Variants in DMP1 observed in about 807,000 individuals in gnomAD.
DMP1 encodes dentin matrix protein 1.
In DMP1, 20 loss-of-function variants were observed where a neutral mutation model predicts 14.6. The observed-to-expected ratio is 1.37, with a 90% CI of 0.96 to 1.99. The LOEUF (loss-of-function observed/expected upper bound fraction) is 1.99, where lower values mean the gene tolerates loss of function less well. Ranked by LOEUF, DMP1 falls within the 30% of genes most tolerant of loss-of-function variation. The probability of loss-of-function intolerance (pLI) is 0.00; values close to 1 mark genes in which losing one functional copy is unlikely to be tolerated. For missense variants in DMP1, 567 were observed against 620.5 expected (o/e 0.91, Z 0.92); for synonymous variants, 197 against 215.3 (o/e 0.91, Z 0.75).
At chr4:87,655,940 G>A (rs1246996058) in intron 1 of DMP1, among the ~76,000 whole-genome samples, 2 of 152,144 alleles carry the variant, frequency 1.3e-5, no homozygotes, top group Non-Finnish European at 2.9e-5. Context: ...TTTCTTAGGA[G>A]TGAGGTTTTT....
rs550592486 is a variant in DMP1 at position 87,659,201 on chromosome 4, T to G, written c.103-19T>G. 1.9e-6 allele frequency: 3 copies of G among 1,613,798 alleles called. No individual in the cohort carries two copies. The highest frequency in any genetic ancestry group is 1.7e-4 in the Middle Eastern group (1 of 6,060). On this transcript the variant is annotated intron_variant, in intron 3 of 5. Transcript: ENST00000339673. ...TCTGTGAGGGAGTAATTTGTTTTCC[T>G]TCCTTTCCTTTTTTGCAGGGTCATT... is the stretch of plus-strand genomic sequence containing the variant.
chr4:87,656,657 G>A lies in DMP1; in HGVS notation c.54+111G>A, dbSNP rs748892144. On this transcript the variant is annotated intron_variant, in intron 2 of 5. Transcript: ENST00000339673. ...TGTATGTTCCAGTCCAGTAAAAATA[G>A]TAGTTTCTTAGCATGCTGTTTTCTT... The A allele has an allele frequency of 3.7e-6, 3 of 804,862 alleles. No individual in the cohort carries two copies. In the East Asian group the frequency reaches 7.3e-5, roughly 20 times the overall value. The allele number at this position is 804,862 out of a possible 1,614,324, so 49.9% of individuals were successfully genotyped here.
chr4:87,664,222 G>GA lies in DMP1; in HGVS notation c.*909dup, dbSNP rs1578157445. The GA allele has an allele frequency of 6.6e-6, 1 of 152,582 alleles. No individual in the cohort carries two copies. The highest frequency in any genetic ancestry group is 1.9e-4 in the East Asian group (1 of 5,184). The allele number at this position is 152,582 out of a possible 1,614,324, so 9.5% of individuals were successfully genotyped here. Reference sequence around the variant, plus strand: ...TAAAATCAGTTTGCGTGCAATGCTAGAAAAAAACTGTTCTCTGAGTCCTTT... The same window carrying GA: ...TAAAATCAGTTTGCGTGCAATGCTAGAAAAAAAACTGTTCTCTGAGTCCTTT... On this transcript the variant is annotated 3_prime_UTR_variant, in exon 6 of 6. Coordinates refer to ENST00000339673, the MANE Select transcript of DMP1 (RefSeq NM_004407.4).
In DMP1 at chr4:87,662,357, G is replaced by A. The variant is rs1299785096; in HGVS notation, c.579G>A (p.Trp193Ter). The A allele has an allele frequency of 6.2e-7, 1 of 1,614,110 alleles. No individual in the cohort carries two copies. The highest frequency in any genetic ancestry group is 1.7e-5 in the Admixed American group (1 of 60,022). Residue 193 changes from tryptophan to a stop codon, truncating the protein, a stop_gained, in exon 6 of 6, where the codon TGG (tryptophan) becomes TGA (stop). Coordinates refer to ENST00000339673, the MANE Select transcript of DMP1 (RefSeq NM_004407.4). LOFTEE classifies it low-confidence loss of function (END_TRUNC). ...AAGAGAGTGAGAGTGAAGAGCACTG[G>A]GTGGGAGGTGGCAGTGATGGGGAGA... ...STQESESEEH[W>*]VGGGSDGESS...
rs374506835 is a variant in DMP1, at chr4:87,657,749, C to T, written c.102+670C>T. Among the ~76,000 whole-genome samples, 27 of 152,240 alleles carry T rather than the reference C, an allele frequency of 1.8e-4. 2 individuals are homozygous for T. In the South Asian group the frequency reaches 4.8e-3, roughly 27 times the overall value. On this transcript the variant is annotated intron_variant, in intron 3 of 5. Coordinates refer to ENST00000339673, the MANE Select transcript of DMP1 (RefSeq NM_004407.4). ...ACATTCTTAACCAGTGTGTCATATC[C>T]CTCTCAGGAAGGAGCCAGGTCTAAG... is the stretch of plus-strand genomic sequence containing the variant.
intron 5 of DMP1, among the ~76,000 whole-genome samples, chr4:87,660,426 A>C (rs1433297458): frequency 6.6e-6 from 1 of 152,176 alleles, no homozygotes; most frequent in Non-Finnish European, 1.5e-5. Flanking sequence ...TGGCAGGTTA[A>C]ACCCATGCTC....
chr4:87,662,945 G>T lies in DMP1; in HGVS notation c.1167G>T (p.Ser389=). 1 of 1,614,130 alleles carries T rather than the reference G, an allele frequency of 6.2e-7. No individual in the cohort carries two copies. Among genetic ancestry groups the T allele is most frequent in the Non-Finnish European group, 8.5e-7 (1 of 1,180,020 alleles). Residue 389 remains serine (S), a synonymous_variant, in exon 6 of 6, where the codon TCG becomes TCT. Coordinates refer to ENST00000339673, the MANE Select transcript of DMP1 (RefSeq NM_004407.4). Reference sequence around the variant, plus strand: ...GTGACTCCAGCGAGGAGGACAGCTCGCACACACTCTCCCACTCAAAAAGTG... The same window carrying T: ...GTGACTCCAGCGAGGAGGACAGCTCTCACACACTCTCCCACTCAAAAAGTG... ...EDSDSSEEDS[S]HTLSHSKSES...
intron 1 of DMP1, among the ~76,000 whole-genome samples, chr4:87,652,251 C>T (rs946190504): frequency 6.6e-6 from 1 of 152,176 alleles, no homozygotes; most frequent in African/African-American, 2.4e-5. Context: ...AGGCTTGTAG[C>T]TGTGGTTCAC....
In DMP1 at chr4:87,662,305, G is replaced by A. The variant is rs140391462; in HGVS notation, c.527G>A (p.Ser176Asn). ...CTTGACAATGAGGACCGGGTGGACAGCAAGCCTGAGGGAGGTGACTCCACT... is the reference window on the plus strand; with the variant it reads ...CTTGACAATGAGGACCGGGTGGACAACAAGCCTGAGGGAGGTGACTCCACT... ...RELDNEDRVD[S>N]KPEGGDSTQE... is the part of the protein sequence containing the mutation. Residue 176 changes from serine (S) to asparagine (N), a missense_variant, in exon 6 of 6, where the codon AGC becomes AAC. Ser to Asn is a conservative substitution (Grantham distance 46). Transcript: ENST00000339673. 7 of 1,614,064 alleles carry A rather than the reference G, an allele frequency of 4.3e-6. No homozygotes were observed. The highest frequency in any genetic ancestry group is 5.9e-6 in the Non-Finnish European group (7 of 1,180,000).
Position 87,662,614 on chromosome 4 carries a change from GA to G in DMP1, c.838del (p.Ser280AlafsTer54). ...TCTCGCATCTCAGAGGAAGATGACA[GA>G]AGCGAGCTTGATGACAACAACACAA... Reference protein sequence around the residue: ...RKSRISEEDDRSELDDNNTME... With the variant: ...RKSRISEEDDXSELDDNNTME... On this transcript the variant is annotated frameshift_variant, in exon 6 of 6. Coordinates refer to ENST00000339673, the MANE Select transcript of DMP1 (RefSeq NM_004407.4). LOFTEE classifies it low-confidence loss of function (END_TRUNC). 1 of 1,614,192 alleles carries G rather than the reference GA, an allele frequency of 6.2e-7. No individual in the cohort carries two copies. The highest frequency in any genetic ancestry group is 8.5e-7 in the Non-Finnish European group (1 of 1,180,038).
At chr4:87,659,745 G>A (rs1369303172) in intron 5 of DMP1, among the ~76,000 whole-genome samples, 2 of 152,050 alleles carry the variant, frequency 1.3e-5, no homozygotes, top group Non-Finnish European at 2.9e-5. Context: ...AAACACATGC[G>A]CAGAAACACA....
intron 4 of DMP1, 43 bp downstream of exon 4, chr4:87,659,295 A>G: frequency 6.2e-7 from 1 of 1,610,310 alleles, no homozygotes; most frequent in Non-Finnish European, 8.5e-7. Flanking sequence ...CTCATGAAGT[A>G]ACTTTAACAC....
chr4:87,652,418 G>T (rs993986087), intron 1 of DMP1, among the ~76,000 whole-genome samples: 3 of 152,092 alleles, frequency 2.0e-5, no homozygotes, highest in African/African-American at 7.2e-5. Context: ...CCTAACAAGG[G>T]GTTTAAGATC....
At chr4:87,651,941 C>A (rs2110009309) in intron 1 of DMP1, among the ~76,000 whole-genome samples, 1 of 152,164 alleles carries the variant, frequency 6.6e-6, no homozygotes, top group South Asian at 2.1e-4. Context: ...GTATCTTAAC[C>A]TTGAGAAAAT....
In DMP1 at chr4:87,656,517, T is replaced by C; in HGVS notation, c.25T>C (p.Phe9Leu). The C allele has an allele frequency of 1.2e-6, 2 of 1,610,516 alleles. No individual in the cohort carries two copies. The highest frequency in any genetic ancestry group is 1.1e-5 in the South Asian group (1 of 90,994). ...TATGAAGATCAGCATCCTGCTCATG[T>C]TCCTTTGGGGATTATCCTGTGCTCT... MKISILLMFLWGLSCALPV... is the reference protein window; with the variant it reads MKISILLMLLWGLSCALPV... Residue 9 changes from phenylalanine (F) to leucine (L), a missense_variant, in exon 2 of 6, where the codon TTC (phenylalanine) becomes CTC (leucine). Physicochemically the swap from Phe to Leu is conservative, Grantham distance 22. Transcript: ENST00000339673.
chr4:87,654,847 A>G (rs1728640853), intron 1 of DMP1, among the ~76,000 whole-genome samples: 2 of 152,220 alleles, frequency 1.3e-5, no homozygotes, highest in Non-Finnish European at 2.9e-5. Flanking sequence ...GAGAAGAGGA[A>G]TGACTTTTAG....
At chr4:87,654,780 A>G (rs970304743) in intron 1 of DMP1, among the ~76,000 whole-genome samples, 1 of 152,236 alleles carries the variant, frequency 6.6e-6, no homozygotes. Flanking sequence ...GCATTTCTAC[A>G]TAAGATAAAG....
intron 5 of DMP1, among the ~76,000 whole-genome samples, chr4:87,660,543 G>A (rs1015198914): frequency 6.6e-6 from 1 of 152,118 alleles, no homozygotes; most frequent in Non-Finnish European, 1.5e-5. Flanking sequence ...TGATCAGTAG[G>A]GATGTGTAAA....
intron 1 of DMP1, among the ~76,000 whole-genome samples, chr4:87,654,845 G>T (rs1449064171): frequency 3.3e-5 from 5 of 152,186 alleles, no homozygotes. Context: ...GTGAGAAGAG[G>T]AATGACTTTT....
Sources: gnomAD v4.1 joint callset for allele counts (sites outside exome capture counted in the v4.1 genomes callset) on GRCh38, gnomAD v4.1.1 for gene constraint, MANE v1.5 for transcripts, NCBI Gene and HGNC (gene_info 2026-07-23, HGNC 2026-07-21) for gene names.